Variants in L3HYPDH observed in about 807,000 individuals in gnomAD.
L3HYPDH encodes trans-L-3-hydroxyproline dehydratase, also known as trans-3-hydroxy-L-proline dehydratase.
A neutral mutation model predicts 26.5 loss-of-function variants in L3HYPDH; 32 were observed. The observed-to-expected ratio is 1.21, with a 90% CI of 0.91 to 1.62. L3HYPDH has a LOEUF of 1.62. Ranked by LOEUF, L3HYPDH falls within the 40% of genes most tolerant of loss-of-function variation. The pLI, the probability that L3HYPDH is intolerant of heterozygous loss-of-function variation, is 0.00. For synonymous variants in L3HYPDH, 215 were observed against 196.6 expected (o/e 1.09, Z -0.78); for missense variants, 554 against 476.4 (o/e 1.16, Z -1.52).
At position 59,483,958 on chromosome 14, in the gene L3HYPDH, A is replaced by C. The variant is rs34741399; in HGVS notation, c.359T>G (p.Leu120Arg). 101,723 of 1,564,414 alleles carry C rather than the reference A, an allele frequency of 0.065. 3,663 individuals carry two copies. Among genetic ancestry groups the C allele is most frequent in the Non-Finnish European group, 0.077 (89,066 of 1,160,508 alleles). The stretch of plus-strand genomic sequence containing the variant: ...GGTGCCCGCAGGGGGCGCCGGCACA[A>C]GCCCGAAGTCCAAAGCGAAGCGGCC... ...ALGRFALDFG[L>R]VPAPPAGTRE... is the part of the protein sequence containing the mutation. The change falls in exon 1 of 5, where the codon CTT (leucine) becomes CGT (arginine). Residue 120 changes from leucine (L) to arginine (R), a missense_variant. Physicochemically the swap from Leu to Arg is moderately radical, Grantham distance 102. Coordinates refer to ENST00000247194, the MANE Select transcript of L3HYPDH (RefSeq NM_144581.2).
At chr14:59,501,490 A>C in the L3HYPDH span, among the ~76,000 whole-genome samples, 2 of 152,196 alleles carry the variant, frequency 1.3e-5, no homozygotes, top group South Asian at 4.1e-4. Context: ...GTCAGGCCCA[A>C]CTATCCAGCA....
In L3HYPDH at chr14:59,484,053, C is replaced by G; in HGVS notation, c.264G>C (p.Ala88=). 3 of 1,606,514 alleles carry G rather than the reference C, an allele frequency of 1.9e-6. No homozygotes were observed. The highest frequency in any genetic ancestry group is 2.5e-6 in the Non-Finnish European group (3 of 1,179,436). Reference sequence around the variant, plus strand: ...TGTGCAGGAACAGGACGCCCAGATGCGCGTCCGGCAGCTCGCTCGGGACTA... The same window carrying G: ...TGTGCAGGAACAGGACGCCCAGATGGGCGTCCGGCAGCTCGCTCGGGACTA... ...AVLVPSELPD[A]HLGVLFLHNE... is the part of the protein sequence containing the mutation. The change falls in exon 1 of 5, where the codon GCG becomes GCC. Residue 88 remains alanine (A), a synonymous_variant. Coordinates refer to ENST00000247194, the MANE Select transcript of L3HYPDH (RefSeq NM_144581.2).
chr14:59,470,558 C>G (rs1012190641), downstream of L3HYPDH, among the ~76,000 whole-genome samples: 1 of 152,014 alleles, frequency 6.6e-6, no homozygotes, highest in African/African-American at 2.4e-5. Context: ...GGACTGGGTA[C>G]TAACCTCATA....
chr14:59,487,852 T>C (rs79097276), upstream of L3HYPDH: 636 of 1,604,542 alleles, frequency 4.0e-4, 3 homozygotes, highest in African/African-American at 7.9e-3. Flanking sequence ...TATGAACATA[T>C]CTGGCTGGAC....
chr14:59,491,114 G>A, the L3HYPDH span, among the ~76,000 whole-genome samples: 1 of 152,228 alleles, frequency 6.6e-6, no homozygotes, highest in Non-Finnish European at 1.5e-5. Context: ...ATAGATGGGG[G>A]CTGGAGGTGT....
the L3HYPDH span, chr14:59,504,505 T>A: frequency 6.5e-6 from 1 of 154,938 alleles, no homozygotes; most frequent in African/African-American, 2.6e-5. Context: ...AAAACAAACA[T>A]ACTTGTGGGG....
chr14:59,489,020 C>G (rs1890791083), upstream of L3HYPDH, among the ~76,000 whole-genome samples: 2 of 152,248 alleles, frequency 1.3e-5, no homozygotes, highest in Admixed American at 6.5e-5. Flanking sequence ...TGCCTTCAAG[C>G]CTTTTTCTCA....
intron 4 of L3HYPDH, chr14:59,474,594 T>G: frequency 1.4e-6 from 1 of 691,488 alleles, no homozygotes; most frequent in Admixed American, 2.1e-5. Context: ...CTTAACAGCA[T>G]GTGGTCTGTT....
At position 59,483,968 on chromosome 14, in the gene L3HYPDH, C is replaced by T. The variant is rs1352697226; in HGVS notation, c.349G>A (p.Asp117Asn). Residue 117 changes from aspartate (D) to asparagine (N), a missense_variant, in exon 1 of 5, where the codon GAC (aspartate) becomes AAC (asparagine). Transcript: ENST00000247194. ...AVLALGRFAL[D>N]FGLVPAPPAG... ...GGGGGCGCCGGCACAAGCCCGAAGT[C>T]CAAAGCGAAGCGGCCCAGCGCCAGC... is the stretch of plus-strand genomic sequence containing the variant. 6.4e-7 allele frequency: 1 copy of T among 1,571,490 alleles called. No individual in the cohort carries two copies. The highest frequency in any genetic ancestry group is 8.6e-7 in the Non-Finnish European group (1 of 1,164,426).
downstream of L3HYPDH, among the ~76,000 whole-genome samples, chr14:59,469,944 A>T (rs191245082): frequency 1.3e-5 from 2 of 152,272 alleles, no homozygotes; most frequent in African/African-American, 2.4e-5. Flanking sequence ...AGGACCATGG[A>T]TGGAATGCTA....
At chr14:59,479,600 C>G (rs1343703145) in intron 1 of L3HYPDH, among the ~76,000 whole-genome samples, 1 of 152,170 alleles carries the variant, frequency 6.6e-6, no homozygotes, top group African/African-American at 2.4e-5. Context: ...CTAACTCATA[C>G]AGACATATTC....
At chr14:59,494,121 G>GTGTGTGT in the L3HYPDH span, among the ~76,000 whole-genome samples, 29 of 150,964 alleles carry the variant, frequency 1.9e-4, no homozygotes, top group African/African-American at 1.2e-4. Flanking sequence ...AGAAAATTTG[G>GTGTGTGT]GTGTGTGTGT....
chr14:59,482,152 C>A (rs757390550), intron 1 of L3HYPDH, among the ~76,000 whole-genome samples: 9 of 152,190 alleles, frequency 5.9e-5, no homozygotes, highest in Middle Eastern at 3.2e-3. Context: ...CAGCAACCCT[C>A]TGAGGTGGGT....
At chr14:59,486,718 G>A (rs376416232), upstream of L3HYPDH, 53 of 1,581,976 alleles carry the variant, frequency 3.4e-5, no homozygotes, top group Non-Finnish European at 4.3e-5. Flanking sequence ...AAAAGCTGTC[G>A]ATATTCAACC....
upstream of L3HYPDH, among the ~76,000 whole-genome samples, chr14:59,486,520 T>A (rs1208269872): frequency 2.6e-5 from 4 of 152,230 alleles, no homozygotes; most frequent in African/African-American, 9.6e-5. Context: ...AACAGCAAGG[T>A]TCCAGGATAA....
upstream of L3HYPDH, chr14:59,484,551 C>A (rs1400757046): frequency 6.4e-7 from 1 of 1,565,832 alleles, no homozygotes; most frequent in Admixed American, 1.9e-5. Context: ...GCCAGATCCG[C>A]TGATCTAGTG....
chr14:59,479,043 C>G, intron 2 of L3HYPDH, 139 bp downstream of exon 2: 1 of 666,284 alleles, frequency 1.5e-6, no homozygotes, highest in Non-Finnish European at 2.3e-6. Context: ...GCTCTAGAGC[C>G]TAAGATTTTA....
At chr14:59,498,483 A>G in the L3HYPDH span, among the ~76,000 whole-genome samples, 6 of 152,158 alleles carry the variant, frequency 3.9e-5, no homozygotes, top group South Asian at 4.1e-4. Flanking sequence ...GCTGAATCAA[A>G]AGGGATAAAC....
downstream of L3HYPDH, among the ~76,000 whole-genome samples, chr14:59,470,902 A>G (rs983575909): frequency 7.3e-6 from 1 of 137,006 alleles, no homozygotes; most frequent in Non-Finnish European, 1.5e-5. Flanking sequence ...TTTGTTTACA[A>G]TTAGCACATT....
Sources: allele counts gnomAD v4.1 joint callset (sites outside exome capture counted in the v4.1 genomes callset), GRCh38; gene constraint gnomAD v4.1.1; transcripts MANE v1.5; gene names NCBI Gene and HGNC (gene_info 2026-07-23, HGNC 2026-07-21).